WASHC2C: variants seen among roughly 807,000 people sequenced by gnomAD.
WASHC2C encodes WASH complex subunit 2C, also known as Vaccinia Penetration Factor.
A neutral mutation model predicts 142.2 loss-of-function variants in WASHC2C; 73 were observed. That is an observed-to-expected ratio of 0.51 (90% CI 0.43 to 0.62). WASHC2C has a LOEUF of 0.62. WASHC2C is among the 20% of genes least tolerant of loss of function. The pLI, the probability that WASHC2C is intolerant of heterozygous loss-of-function variation, is 0.00. For synonymous variants in WASHC2C, 337 were observed against 565.5 expected (o/e 0.60, Z 5.73); for missense variants, 969 against 1,531.7 (o/e 0.63, Z 6.13).
intron 13 of WASHC2C, among the ~76,000 whole-genome samples, chr10:45,753,778 GCA>G (rs2053889458): frequency 6.8e-6 from 1 of 147,878 alleles, no homozygotes; most frequent in Non-Finnish European, 1.5e-5. Context: ...ATGAGCCACT[GCA>G]CCTGTCCCCT....
At chr10:45,762,405 A>T (rs1352867774) in intron 17 of WASHC2C, among the ~76,000 whole-genome samples, 1 of 151,380 alleles carries the variant, frequency 6.6e-6, no homozygotes, top group Non-Finnish European at 1.5e-5. Context: ...AAATTAATAT[A>T]GGCTGGTCTT....
At chr10:45,734,074 A>C (rs1345747462) in intron 3 of WASHC2C, among the ~76,000 whole-genome samples, 1 of 151,854 alleles carries the variant, frequency 6.6e-6, no homozygotes, top group Admixed American at 6.6e-5. Flanking sequence ...AATACAAAAA[A>C]ATTAGCCAGG....
intron 19 of WASHC2C, among the ~76,000 whole-genome samples, chr10:45,769,187 C>T (rs1407508979): frequency 1.3e-5 from 2 of 151,894 alleles, no homozygotes; most frequent in Non-Finnish European, 2.9e-5. Flanking sequence ...GCACGATCTC[C>T]GTTCACTGCA....
At chr10:45,787,312 T>C in intron 28 of WASHC2C, 65 bp downstream of exon 28, 2 of 729,988 alleles carry the variant, frequency 2.7e-6, no homozygotes, top group South Asian at 3.7e-5. Context: ...TGCTTCTTTC[T>C]AGTTTATCAG....
chr10:45,751,621 C>G (rs2053597637), intron 11 of WASHC2C, 68 bp downstream of exon 11: 1 of 688,418 alleles, frequency 1.5e-6, no homozygotes, highest in Admixed American at 2.9e-5. Flanking sequence ...TTACATAATT[C>G]ATGAAGTACT....
intron 17 of WASHC2C, among the ~76,000 whole-genome samples, chr10:45,762,998 C>CAT (rs2055326583): frequency 1.3e-5 from 2 of 152,010 alleles, no homozygotes; most frequent in African/African-American, 4.8e-5. Flanking sequence ...GAATCTAGCC[C>CAT]CTGTTTCTTT....
chr10:45,730,832 G>C (rs562728795), intron 3 of WASHC2C, among the ~76,000 whole-genome samples: 2 of 151,970 alleles, frequency 1.3e-5, no homozygotes, highest in Non-Finnish European at 2.9e-5. Flanking sequence ...AGTTAGCCAG[G>C]ATGATCTCGA....
intron 19 of WASHC2C, among the ~76,000 whole-genome samples, chr10:45,768,509 G>C (rs1266272747): frequency 1.3e-5 from 2 of 152,148 alleles, no homozygotes; most frequent in Admixed American, 6.5e-5. Flanking sequence ...TCTGCTGCTG[G>C]CTTGTGGACT....
chr10:45,779,344 A>T (rs2057321527), intron 23 of WASHC2C, among the ~76,000 whole-genome samples: 1 of 135,196 alleles, frequency 7.4e-6, no homozygotes, highest in Non-Finnish European at 1.8e-5. Context: ...TTAGAATTTC[A>T]CCCCCCTCTT....
intron 8 of WASHC2C, among the ~76,000 whole-genome samples, chr10:45,749,882 A>G (rs2053381554): frequency 1.5e-5 from 2 of 137,744 alleles, no homozygotes; most frequent in African/African-American, 2.8e-5. Context: ...TTTATATTTT[A>G]TATATATTTT....
intron 23 of WASHC2C, among the ~76,000 whole-genome samples, chr10:45,780,421 G>A (rs1401606661): frequency 1.2e-4 from 18 of 151,652 alleles, no homozygotes; most frequent in Non-Finnish European, 2.2e-4. Flanking sequence ...AAGACTGCAT[G>A]CTTTTCAACC....
intron 17 of WASHC2C, among the ~76,000 whole-genome samples, 180 bp from the exon 18 acceptor site, chr10:45,763,208 A>C (rs535584957): frequency 6.6e-6 from 1 of 152,056 alleles, no homozygotes; most frequent in South Asian, 2.1e-4. Context: ...CACTGCACAC[A>C]CCCTGCACAG....
chr10:45,788,562 T>C (rs573793932), intron 28 of WASHC2C, among the ~76,000 whole-genome samples: 1 of 152,270 alleles, frequency 6.6e-6, no homozygotes, highest in East Asian at 1.9e-4. Context: ...AGAGCCAACA[T>C]GCCTACTTTC....
chr10:45,728,880 G>C lies in WASHC2C; in HGVS notation c.145G>C (p.Glu49Gln). 6.2e-7 allele frequency: 1 copy of C among 1,613,442 alleles called. No homozygotes were observed. The highest frequency in any genetic ancestry group is 8.5e-7 in the Non-Finnish European group (1 of 1,179,740). ...ADAGLLQFLQ[E>Q]FSQQTISRTH... ...AAAATAGCTACTACAGTTTCTACAGGAATTCTCACAGCAAACTATCTCTAG... is the reference window on the plus strand; with the variant it reads ...AAAATAGCTACTACAGTTTCTACAGCAATTCTCACAGCAAACTATCTCTAG... The change falls in exon 3 of 31, where the codon GAA (glutamate) becomes CAA (glutamine). Residue 49 changes from glutamate to glutamine, a missense_variant. Coordinates refer to ENST00000623400, the MANE Select transcript of WASHC2C (RefSeq NM_001330074.2).
chr10:45,769,102 C>G (rs1360942960), intron 19 of WASHC2C, among the ~76,000 whole-genome samples: 1 of 152,128 alleles, frequency 6.6e-6, no homozygotes, highest in African/African-American at 2.4e-5. Context: ...GTTTTATAAT[C>G]TAAATTGCCA....
At chr10:45,746,539 A>C in intron 7 of WASHC2C, 61 bp from the exon 8 acceptor site, 1 of 1,583,624 alleles carries the variant, frequency 6.3e-7, no homozygotes, top group South Asian at 1.1e-5. Flanking sequence ...TAGACCTGCA[A>C]TCATTTCTGT....
intron 8 of WASHC2C, among the ~76,000 whole-genome samples, chr10:45,749,630 G>T (rs1325826766): frequency 6.6e-6 from 1 of 151,130 alleles, no homozygotes; most frequent in African/African-American, 2.4e-5. Flanking sequence ...TTCAAGACCA[G>T]CCTAGACAAC....
chr10:45,750,207 G>A lies in WASHC2C; in HGVS notation c.843+1G>A. The A allele has an allele frequency of 1.9e-6, 3 of 1,610,516 alleles. No homozygotes were observed. The highest frequency in any genetic ancestry group is 1.3e-5 in the African/African-American group (1 of 74,648). On this transcript the variant is annotated splice_donor_variant, in intron 9 of 30. Transcript: ENST00000623400. LOFTEE classifies it high-confidence loss of function. ...GGACATTGAAGAAAATACTAGACCT[G>A]TAAGGAAGGCTGTAGTTGCTATCAC...
chr10:45,747,423 C>T (rs1349734127), intron 8 of WASHC2C, among the ~76,000 whole-genome samples: 7 of 152,076 alleles, frequency 4.6e-5, no homozygotes, highest in African/African-American at 1.7e-4. Context: ...GGATTACAGG[C>T]GTGAGCCACC....
Sources: gnomAD v4.1 joint callset for allele counts (sites outside exome capture counted in the v4.1 genomes callset) on GRCh38, gnomAD v4.1.1 for gene constraint, MANE v1.5 for transcripts, NCBI Gene and HGNC (gene_info 2026-07-23, HGNC 2026-07-21) for gene names.